The following ASIC2 variants were observed in gnomAD, a reference collection of about 807,000 sequenced individuals.
The protein encoded by ASIC2 is acid sensing ion channel subunit 2.
A neutral mutation model predicts 57.3 loss-of-function variants in ASIC2; 25 were observed. The ratio of observed to expected loss-of-function variants is 0.44; its 90% CI spans 0.32 to 0.61. ASIC2 has a LOEUF of 0.61. Among genes scored for constraint, ASIC2 ranks in the 20% least tolerant of loss-of-function variants. ASIC2 has a pLI of 0.06. For synonymous variants in ASIC2, 319 were observed against 307.5 expected (o/e 1.04, Z -0.39); for missense variants, 641 against 738.1 (o/e 0.87, Z 1.52).
chr17:33,806,175 C>T (rs892426481), intron 1 of ASIC2, among the ~76,000 whole-genome samples: 5 of 152,126 alleles, frequency 3.3e-5, no homozygotes, highest in South Asian at 4.1e-4. Flanking sequence ...AATAATTAAG[C>T]GGCAATGATT....
intron 1 of ASIC2, among the ~76,000 whole-genome samples, chr17:33,322,375 T>C (rs954707652): frequency 2.0e-5 from 3 of 152,178 alleles, no homozygotes; most frequent in Non-Finnish European, 4.4e-5. Context: ...GGCCCTGCTC[T>C]GGTGGTTTGC....
In ASIC2 at chr17:33,186,274, C is replaced by T. The variant is rs376278269; in HGVS notation, c.709-74207G>A. On this transcript the variant is annotated intron_variant, in intron 1 of 9. Transcript: ENST00000225823. ...CACAGGCATGTGCCTCCACACCTAGCTAATTTTTGTATTTTTAGTAGAGAT... is the reference window on the plus strand; with the variant it reads ...CACAGGCATGTGCCTCCACACCTAGTTAATTTTTGTATTTTTAGTAGAGAT... Among the ~76,000 whole-genome samples, 75 of 152,168 alleles carry T rather than the reference C, an allele frequency of 4.9e-4. 3 individuals carry two copies. In the South Asian group the frequency reaches 0.015, roughly 30 times the overall value.
chr17:33,079,951 G>A (rs938162061), intron 3 of ASIC2, among the ~76,000 whole-genome samples: 3 of 152,164 alleles, frequency 2.0e-5, no homozygotes, highest in African/African-American at 7.2e-5. Flanking sequence ...GGGTGCAGGT[G>A]TGGGGACAGG....
intron 1 of ASIC2, chr17:34,003,779 TCTCA>T (rs1035844745): frequency 9.2e-5 from 14 of 152,382 alleles, no homozygotes; most frequent in East Asian, 7.7e-4. Flanking sequence ...TGCTCTTCTC[TCTCA>T]CTGCCTCTGA....
chr17:33,523,253 AT>A (rs1435581266), intron 1 of ASIC2, among the ~76,000 whole-genome samples: 1 of 151,990 alleles, frequency 6.6e-6, no homozygotes, highest in Non-Finnish European at 1.5e-5. Context: ...AGCCATCTTT[AT>A]TTTTTATGTA....
intron 1 of ASIC2, among the ~76,000 whole-genome samples, chr17:33,625,135 C>CT (rs1567672692): frequency 6.8e-6 from 1 of 146,720 alleles, no homozygotes; most frequent in Non-Finnish European, 1.5e-5. Flanking sequence ...CTCTGTCTAT[C>CT]TATCTATCTA....
chr17:33,904,394 G>A (rs372521202), intron 1 of ASIC2, among the ~76,000 whole-genome samples: 1 of 152,088 alleles, frequency 6.6e-6, no homozygotes, highest in African/African-American at 2.4e-5. Context: ...CCGGTGTTAA[G>A]CTGTGGTTCT....
At chr17:33,784,071 A>T (rs1210981089) in intron 1 of ASIC2, among the ~76,000 whole-genome samples, 1 of 152,042 alleles carries the variant, frequency 6.6e-6, no homozygotes, top group African/African-American at 2.4e-5. Flanking sequence ...GCATTAGGAG[A>T]CTGAAGTTTT....
chr17:33,579,703 G>A lies in ASIC2; in HGVS notation c.556-467636C>T, dbSNP rs545528984. 2.3e-3 allele frequency among the ~76,000 whole-genome samples: 349 copies of A among 152,258 alleles called. 1 individual carries two copies. Among genetic ancestry groups the A allele is most frequent in the African/African-American group, 8.1e-3 (335 of 41,550 alleles). On this transcript the variant is annotated intron_variant, in intron 1 of 9. Coordinates refer to the ASIC2 transcript ENST00000359872. Reference sequence around the variant, plus strand: ...TAGAGTGAAGCTACAGACCTTCGCAGCCAGCGTTACAACTGTTAAAAGTAG... The same window carrying A: ...TAGAGTGAAGCTACAGACCTTCGCAACCAGCGTTACAACTGTTAAAAGTAG...
chr17:33,422,543 C>T (rs1911081504), intron 1 of ASIC2, among the ~76,000 whole-genome samples: 1 of 152,160 alleles, frequency 6.6e-6, no homozygotes, highest in Non-Finnish European at 1.5e-5. Flanking sequence ...GACAGTCCTG[C>T]CCATGGCGGC....
intron 1 of ASIC2, among the ~76,000 whole-genome samples, chr17:33,414,647 G>A (rs73271312): frequency 0.03 from 4,552 of 152,272 alleles, 236 homozygotes; most frequent in African/African-American, 0.1. Context: ...AGGTGCTCCA[G>A]GGTTTTCCAG....
intron 1 of ASIC2, among the ~76,000 whole-genome samples, chr17:34,144,732 T>C (rs1055655811): frequency 6.6e-6 from 1 of 152,214 alleles, no homozygotes. Flanking sequence ...TGGCACTAAA[T>C]TCCATGATTG....
intron 1 of ASIC2, among the ~76,000 whole-genome samples, chr17:33,369,765 T>C (rs1167170576): frequency 2.0e-5 from 3 of 152,188 alleles, no homozygotes; most frequent in Non-Finnish European, 4.4e-5. Flanking sequence ...CTGAAGCCAA[T>C]ATTCTTTCCA....
intron 1 of ASIC2, among the ~76,000 whole-genome samples, chr17:33,798,641 T>C (rs756083802): frequency 1.3e-5 from 2 of 152,104 alleles, no homozygotes; most frequent in African/African-American, 2.4e-5. Context: ...ATGGAGGAAA[T>C]CATCTTCAGG....
At chr17:33,349,058 T>C (rs1271792839) in intron 1 of ASIC2, among the ~76,000 whole-genome samples, 2 of 152,134 alleles carry the variant, frequency 1.3e-5, no homozygotes, top group African/African-American at 4.8e-5. Flanking sequence ...GGTGACACTC[T>C]TATTACTGAT....
intron 2 of ASIC2, among the ~76,000 whole-genome samples, chr17:33,095,899 C>T (rs562151684): frequency 2.0e-5 from 3 of 152,332 alleles, no homozygotes; most frequent in South Asian, 4.1e-4. Flanking sequence ...TATGATCAGA[C>T]AAATGGGCCT....
At chr17:33,352,320 C>G (rs896496134) in intron 1 of ASIC2, among the ~76,000 whole-genome samples, 8 of 152,064 alleles carry the variant, frequency 5.3e-5, no homozygotes, top group Non-Finnish European at 1.0e-4. Context: ...CACAATAGTC[C>G]AGATATCTCA....
At chr17:33,163,745 T>A (rs1289662688) in intron 1 of ASIC2, among the ~76,000 whole-genome samples, 1 of 152,058 alleles carries the variant, frequency 6.6e-6, no homozygotes, top group African/African-American at 2.4e-5. Flanking sequence ...CAATATGACA[T>A]GTAATATATC....
At chr17:33,596,621 C>T (rs529668432) in intron 1 of ASIC2, among the ~76,000 whole-genome samples, 15 of 152,208 alleles carry the variant, frequency 9.9e-5, no homozygotes, top group Non-Finnish European at 1.5e-4. Flanking sequence ...TAGATAGGAC[C>T]CTCCCAACCC....
Sources: gnomAD v4.1 joint callset for allele counts (sites outside exome capture counted in the v4.1 genomes callset) on GRCh38, gnomAD v4.1.1 for gene constraint, MANE v1.5 for transcripts, NCBI Gene and HGNC (gene_info 2026-07-23, HGNC 2026-07-21) for gene names.